Variants in SAR1B observed in about 807,000 individuals in gnomAD.
SAR1B encodes the protein small COPII coat GTPase SAR1B.
A neutral mutation model predicts 26.8 loss-of-function variants in SAR1B; 23 were observed. The ratio of observed to expected loss-of-function variants is 0.86; its 90% confidence interval spans 0.62 to 1.22. SAR1B has a LOEUF of 1.22. Ranked by LOEUF, SAR1B falls within the 50% of genes most tolerant of loss-of-function variation. The probability of loss-of-function intolerance (pLI) is 0.00; values close to 1 mark genes in which losing one functional copy is unlikely to be tolerated. For missense variants in SAR1B, 196 were observed against 232.8 expected, an observed-to-expected ratio of 0.84 and a Z score of 1.03; for synonymous variants, 65 against 80.8, an observed-to-expected ratio of 0.80 and a Z score of 1.05.
chr5:134,608,847 T>C, intron 5 of SAR1B: 2 of 375,962 alleles, frequency 5.3e-6, no homozygotes, highest in South Asian at 4.3e-5. Flanking sequence ...ACTGAAGCTC[T>C]AGAGAGAATT....
rs749871000 is a variant in SAR1B at position 134,624,004 on chromosome 5, C to T, written c.16G>A (p.Asp6Asn). The stretch of plus-strand genomic sequence containing the variant: ...CTGCTGAAACCACTGTAAATCCAAT[C>T]AAATATGAAGGACATATCCAAATCT... MSFIF[D>N]WIYSGFSSVL... Residue 6 changes from aspartate to asparagine, a missense_variant, in exon 2 of 7, where the codon GAT becomes AAT. Transcript: ENST00000402673. The T allele has an allele frequency of 6.2e-7, 1 of 1,611,382 alleles. No homozygotes were observed. Among genetic ancestry groups the T allele is most frequent in the East Asian group, 2.2e-5 (1 of 44,818 alleles).
At chr5:134,615,231 C>T (rs1005806572) in intron 3 of SAR1B, among the ~76,000 whole-genome samples, 24 of 151,730 alleles carry the variant, frequency 1.6e-4, no homozygotes, top group African/African-American at 5.3e-4. Context: ...GCCTGAAATC[C>T]CAGCTACCAG....
intron 3 of SAR1B, among the ~76,000 whole-genome samples, chr5:134,616,417 A>G (rs1765318255): frequency 6.6e-6 from 1 of 151,104 alleles, no homozygotes; most frequent in Admixed American, 6.6e-5. Context: ...AGCCTGGGGG[A>G]CAAGAGCGAG....
intron 3 of SAR1B, among the ~76,000 whole-genome samples, chr5:134,619,686 T>C (rs1055463372): frequency 2.0e-5 from 3 of 152,092 alleles, no homozygotes; most frequent in African/African-American, 7.2e-5. Flanking sequence ...TTCCTGTGTG[T>C]CAATATATGC....
At chr5:134,613,938 ATTGAG>A (rs1156382219) in intron 3 of SAR1B, 1 of 152,042 alleles carries the variant, frequency 6.6e-6, no homozygotes, top group Admixed American at 6.5e-5. Flanking sequence ...TTTCTGTTGC[ATTGAG>A]TTAAGTTTAG....
Position 134,612,683 on chromosome 5 carries a change from A to AAAAAAAAAAAAAAAAAAAAAT in SAR1B, c.244+7_244+8insATTTTTTTTTTTTTTTTTTTT. On this transcript the variant is annotated splice_region_variant and intron_variant, in intron 4 of 6. Transcript: ENST00000402673. ...AAAAAAAAAAAAAAAAAAAAAAAAG[A>AAAAAAAAAAAAAAAAAAAAAT]ATCTTACCTTGAACATGTCCACCCA... The AAAAAAAAAAAAAAAAAAAAAT allele has an allele frequency of 2.8e-6, 3 of 1,055,248 alleles. No homozygotes were observed. The highest frequency in any genetic ancestry group is 4.0e-6 in the Non-Finnish European group (3 of 756,328). The allele number at this position is 1,055,248 out of a possible 1,614,324, so 65.4% of individuals were successfully genotyped here.
intron 1 of SAR1B, among the ~76,000 whole-genome samples, chr5:134,630,889 C>CTTTTTTTTTTTTTTTTTTTTTTTTTTTT (rs781218368): frequency 1.2e-4 from 8 of 69,122 alleles, no homozygotes; most frequent in Non-Finnish European, 1.7e-4. Context: ...CTTTTTTTTT[C>CTTTTTTTTTTTTTTTTTTTTTTTTTTTT]TTTTTTTTTT....
At chr5:134,625,930 A>G (rs1765485852) in intron 1 of SAR1B, 1 of 152,118 alleles carries the variant, frequency 6.6e-6, no homozygotes, top group Non-Finnish European at 1.5e-5. Flanking sequence ...GCTGTTGTAA[A>G]ATTTGTCCCA....
Position 134,603,136 on chromosome 5 carries a change from A to G in SAR1B, c.*3814T>C, listed in dbSNP as rs1765066808. On this transcript the variant is annotated 3_prime_UTR_variant, in exon 7 of 7. Transcript: ENST00000402673. The stretch of plus-strand genomic sequence containing the variant: ...AAATGATTTAAACAATATGCTCCAA[A>G]TTAAATGAACAGAAGGAATTTTGAG... 1 of 152,240 alleles carries G rather than the reference A, an allele frequency of 6.6e-6. No individual in the cohort carries two copies. The highest frequency in any genetic ancestry group is 6.5e-5 in the Admixed American group (1 of 15,282). 9.4% of individuals were successfully genotyped at this position (152,240 alleles called of 1,614,324 possible).
intron 2 of SAR1B, among the ~76,000 whole-genome samples, chr5:134,622,627 G>T (rs1765429243): frequency 1.3e-5 from 2 of 150,906 alleles, no homozygotes. Flanking sequence ...AGCCAGGATG[G>T]TCTTGATCTC....
chr5:134,623,613 A>G (rs528398672), intron 2 of SAR1B, among the ~76,000 whole-genome samples: 7 of 152,168 alleles, frequency 4.6e-5, no homozygotes, highest in Non-Finnish European at 8.8e-5. Context: ...TTTAATAATA[A>G]TCCTGTAAGG....
chr5:134,607,494 C>T lies in SAR1B; in HGVS notation c.481-428G>A, dbSNP rs144047547. Among the ~76,000 whole-genome samples, 1,241 of 151,136 alleles carry T rather than the reference C, an allele frequency of 8.2e-3. 17 individuals are homozygous for T. Among genetic ancestry groups the T allele is most frequent in the African/African-American group, 0.027 (1,110 of 41,158 alleles). On this transcript the variant is annotated intron_variant, in intron 6 of 6. Coordinates refer to ENST00000402673, the MANE Select transcript of SAR1B (RefSeq NM_016103.4). Reference sequence around the variant, plus strand: ...TCTGACTTAAGAGCCTCCTGCGGACCGGGCGTGGTGGCTCATGCCTGTAAT... The same window carrying T: ...TCTGACTTAAGAGCCTCCTGCGGACTGGGCGTGGTGGCTCATGCCTGTAAT...
At position 134,608,493 on chromosome 5, in the gene SAR1B, G is replaced by C; in HGVS notation, c.359C>G (p.Thr120Arg). The C allele has an allele frequency of 1.2e-6, 2 of 1,611,462 alleles. No homozygotes were observed. The highest frequency in any genetic ancestry group is 1.7e-6 in the Non-Finnish European group (2 of 1,179,260). The stretch of plus-strand genomic sequence containing the variant: ...AGGCACATTAGCAATGGTTTCATCT[G>C]TCATTAGTGACTGAAAAAAACAAAA... ...ESKEELDSLM[T>R]DETIANVPIL... Residue 120 changes from threonine to arginine, a missense_variant, in exon 6 of 7, where the codon ACA (threonine) becomes AGA (arginine). By Grantham distance (71) the Thr-to-Arg change is moderately conservative. Transcript: ENST00000402673.
At chr5:134,620,890 A>G (rs1765394196) in intron 3 of SAR1B, 43 bp downstream of exon 3, 2 of 1,608,966 alleles carry the variant, frequency 1.2e-6, no homozygotes, top group Non-Finnish European at 8.5e-7. Context: ...ATGACTCAGC[A>G]TCATTTGATC....
intron 2 of SAR1B, among the ~76,000 whole-genome samples, chr5:134,623,397 G>T (rs532170637): frequency 1.3e-5 from 2 of 150,874 alleles, no homozygotes; most frequent in Non-Finnish European, 2.9e-5. Context: ...CTGAGATCAC[G>T]CCACTGCACT....
chr5:134,627,799 A>C (rs976628295), intron 1 of SAR1B, among the ~76,000 whole-genome samples: 1 of 97,312 alleles, frequency 1.0e-5, no homozygotes, highest in Non-Finnish European at 2.1e-5. Flanking sequence ...ACTCCATCCC[A>C]AAAAATAAAT....
Position 134,605,120 on chromosome 5 carries a change from A to G in SAR1B, c.*1830T>C, listed in dbSNP as rs544301413. 1.3e-5 allele frequency: 2 copies of G among 152,254 alleles called. No individual in the cohort carries two copies. The highest frequency in any genetic ancestry group is 1.3e-4 in the Admixed American group (2 of 15,286). 9.4% of individuals were successfully genotyped at this position (152,254 alleles called of 1,614,324 possible). ...TCTTAAGAAGCGACCTTGTCAGCTT[A>G]GCTAAATAGTAATTCCTTCCAGTCA... On this transcript the variant is annotated 3_prime_UTR_variant, in exon 7 of 7. Coordinates refer to ENST00000402673, the MANE Select transcript of SAR1B (RefSeq NM_016103.4).
chr5:134,627,133 G>A (rs1765506338), intron 1 of SAR1B, among the ~76,000 whole-genome samples: 1 of 151,782 alleles, frequency 6.6e-6, no homozygotes, highest in South Asian at 2.1e-4. Context: ...CTCACTGTAA[G>A]CTCCACCTCC....
intron 4 of SAR1B, among the ~76,000 whole-genome samples, chr5:134,611,862 A>T (rs148790927): frequency 1.2e-3 from 177 of 150,966 alleles, no homozygotes; most frequent in African/African-American, 3.9e-3. Flanking sequence ...AGGGGAATAG[A>T]GGGAAATAAA....
Sources: allele counts gnomAD v4.1 joint callset (sites outside exome capture counted in the v4.1 genomes callset), GRCh38; gene constraint gnomAD v4.1.1; transcripts MANE v1.5; gene names NCBI Gene and HGNC (gene_info 2026-07-23, HGNC 2026-07-21).